Variants in LRP1B observed in about 807,000 individuals in gnomAD.
LRP1B encodes the protein LDL receptor related protein 1B.
LRP1B carries 217 observed loss-of-function variants against 556.6 expected under a neutral mutation model. The ratio of observed to expected loss-of-function variants is 0.39; its 90% CI spans 0.35 to 0.44. The LOEUF (loss-of-function observed/expected upper bound fraction) is 0.44, where lower values mean the gene tolerates loss of function less well. LRP1B is among the 20% of genes least tolerant of loss of function. The probability of loss-of-function intolerance (pLI) is 1.00; values close to 1 mark genes in which losing one functional copy is unlikely to be tolerated. For missense variants in LRP1B, 5,053 were observed against 5,620.8 expected (o/e 0.90, Z 3.23); for synonymous variants, 2,047 against 1,865.8 (o/e 1.10, Z -2.50).
chr2:141,743,505 T>TTTTTTTTTTC (rs1693795162), intron 2 of LRP1B, among the ~76,000 whole-genome samples: 1 of 72,504 alleles, frequency 1.4e-5, no homozygotes, highest in African/African-American at 5.1e-5. Flanking sequence ...TTTTTTCTTT[T>TTTTTTTTTTC]TTTTTTTTTT....
At chr2:140,398,026 T>C (rs116601277) in intron 66 of LRP1B, among the ~76,000 whole-genome samples, 28 of 152,282 alleles carry the variant, frequency 1.8e-4, no homozygotes, top group Non-Finnish European at 2.9e-4. Context: ...TCACGTAAGA[T>C]GAAGCTTTAA....
chr2:140,886,161 C>T lies in LRP1B; in HGVS notation c.3941G>A (p.Arg1314Gln), dbSNP rs369920158. 7.3e-5 allele frequency: 117 copies of T among 1,598,696 alleles called. No homozygotes were observed. Among genetic ancestry groups the T allele is most frequent in the South Asian group, 2.6e-4 (23 of 87,878 alleles). ...ACCTCCACTTTCAGAAAGCTTTCCC[C>T]GGTATATTCTGTCTTCTACAACATC... ...WTDVVEDRIY[R>Q]GKLSESGGVS... is the part of the protein sequence containing the mutation. Residue 1314 changes from arginine (R) to glutamine (Q), a missense_variant, in exon 24 of 91, where the codon CGG (arginine) becomes CAG (glutamine). Physicochemically the swap from Arg to Gln is conservative, Grantham distance 43. Transcript: ENST00000389484.
chr2:141,584,242 C>T (rs1231772644), intron 2 of LRP1B, among the ~76,000 whole-genome samples: 1 of 149,322 alleles, frequency 6.7e-6, no homozygotes, highest in Non-Finnish European at 1.5e-5. Context: ...GAGACCTTGT[C>T]TCAAAAAAGA....
chr2:140,661,054 GTTAAT>G (rs879854598), intron 41 of LRP1B, among the ~76,000 whole-genome samples: 2 of 151,936 alleles, frequency 1.3e-5, no homozygotes, highest in Non-Finnish European at 2.9e-5. Flanking sequence ...AGAGGCCAAA[GTTAAT>G]TTAATCAACT....
At chr2:141,334,890 A>C (rs1453888209) in intron 3 of LRP1B, among the ~76,000 whole-genome samples, 2 of 152,162 alleles carry the variant, frequency 1.3e-5, no homozygotes, top group Non-Finnish European at 2.9e-5. Context: ...GAAAGAAATC[A>C]AGCTTACTGA....
At chr2:142,093,061 G>A (rs1472803810) in intron 1 of LRP1B, among the ~76,000 whole-genome samples, 3 of 152,024 alleles carry the variant, frequency 2.0e-5, no homozygotes, top group Non-Finnish European at 4.4e-5. Flanking sequence ...AAAGTCTCCT[G>A]TCTGGTACTT....
chr2:140,593,140 T>C (rs1351212750), intron 43 of LRP1B, among the ~76,000 whole-genome samples: 1 of 152,202 alleles, frequency 6.6e-6, no homozygotes, highest in Admixed American at 6.5e-5. Flanking sequence ...AAGTTAGTCA[T>C]AAAAATCCTT....
intron 66 of LRP1B, among the ~76,000 whole-genome samples, chr2:140,389,647 TATC>T (rs1483165424): frequency 1.3e-5 from 2 of 149,540 alleles, no homozygotes; most frequent in South Asian, 2.1e-4. Context: ...TGCAGATACA[TATC>T]ATGTTTATGG....
intron 2 of LRP1B, among the ~76,000 whole-genome samples, chr2:141,680,687 G>A (rs1357368096): frequency 6.6e-6 from 1 of 152,120 alleles, no homozygotes; most frequent in African/African-American, 2.4e-5. Flanking sequence ...TGGGAGAGAA[G>A]CTATGAAATA....
At chr2:140,348,801 C>T (rs1416844414) in intron 77 of LRP1B, among the ~76,000 whole-genome samples, 1 of 151,886 alleles carries the variant, frequency 6.6e-6, no homozygotes, top group East Asian at 1.9e-4. Context: ...AGAATGAAAA[C>T]TTAGTTACCA....
intron 2 of LRP1B, among the ~76,000 whole-genome samples, chr2:141,715,717 A>G: frequency 6.6e-6 from 1 of 152,152 alleles, no homozygotes; most frequent in East Asian, 1.9e-4. Flanking sequence ...CAGGAGGCTG[A>G]GGCAGGAGAA....
At chr2:140,850,634 C>T (rs754235495) in intron 28 of LRP1B, among the ~76,000 whole-genome samples, 4 of 152,120 alleles carry the variant, frequency 2.6e-5, no homozygotes, top group African/African-American at 7.2e-5. Flanking sequence ...CTACGAGTGT[C>T]GGATACCATA....
intron 3 of LRP1B, among the ~76,000 whole-genome samples, chr2:141,284,303 A>G (rs944613053): frequency 6.6e-6 from 1 of 152,256 alleles, no homozygotes; most frequent in Non-Finnish European, 1.5e-5. Flanking sequence ...TTAGTGAAAA[A>G]TAATGATCTG....
chr2:141,890,323 C>CATACAT (rs1170715951), intron 1 of LRP1B, among the ~76,000 whole-genome samples: 1 of 83,818 alleles, frequency 1.2e-5, no homozygotes, highest in African/African-American at 4.4e-5. Flanking sequence ...GGGCACAATA[C>CATACAT]ATATATATAT....
At chr2:140,334,597 G>T (rs1424641096) in intron 78 of LRP1B, 38 bp from the exon 79 acceptor site, 3 of 1,194,748 alleles carry the variant, frequency 2.5e-6, no homozygotes, top group Non-Finnish European at 3.5e-6. Flanking sequence ...CCTGGTGATG[G>T]TGCTGCTATA....
chr2:141,286,006 G>T (rs1429771096), intron 3 of LRP1B, among the ~76,000 whole-genome samples: 1 of 112,590 alleles, frequency 8.9e-6, no homozygotes, highest in Non-Finnish European at 1.8e-5. Flanking sequence ...GGCGGAGCTT[G>T]CAGTGAGCCA....
chr2:141,189,631 T>C (rs1284974567), intron 6 of LRP1B, among the ~76,000 whole-genome samples: 1 of 151,310 alleles, frequency 6.6e-6, no homozygotes, highest in Non-Finnish European at 1.5e-5. Context: ...CCTCAGCTTC[T>C]TCCTTTTAGG....
chr2:140,413,693 C>T (rs1685059515), intron 66 of LRP1B, among the ~76,000 whole-genome samples: 1 of 152,140 alleles, frequency 6.6e-6, no homozygotes, highest in Non-Finnish European at 1.5e-5. Flanking sequence ...GCTATCATAT[C>T]ATTTGCAGAA....
Position 142,026,721 on chromosome 2 carries a change from T to C in LRP1B, c.82+103927A>G, listed in dbSNP as rs147779058. On this transcript the variant is annotated intron_variant, in intron 1 of 90. Transcript: ENST00000389484. Reference sequence around the variant, plus strand: ...GGGGGAACTTCGCTATCTATGAATGTGTATTGCCCAGACTTATCTTAAATA... The same window carrying C: ...GGGGGAACTTCGCTATCTATGAATGCGTATTGCCCAGACTTATCTTAAATA... Among the ~76,000 whole-genome samples the C allele has an allele frequency of 3.8e-3, 572 of 152,184 alleles. 5 individuals carry two copies. Among genetic ancestry groups the C allele is most frequent in the African/African-American group, 0.013 (544 of 41,554 alleles).
Sources: gnomAD v4.1 joint callset for allele counts (sites outside exome capture counted in the v4.1 genomes callset) on GRCh38, gnomAD v4.1.1 for gene constraint, MANE v1.5 for transcripts, NCBI Gene and HGNC (gene_info 2026-07-23, HGNC 2026-07-21) for gene names.